Variants in SLC2A10 observed in about 807,000 individuals in gnomAD.
SLC2A10 encodes solute carrier family 2 member 10.
SLC2A10 carries 25 observed loss-of-function variants against 32.1 expected under a neutral mutation model. The observed-to-expected ratio is 0.78, with a 90% CI of 0.57 to 1.09. The LOEUF is 1.09. Among genes scored for constraint, SLC2A10 ranks in the 50% least tolerant of loss-of-function variants. SLC2A10 has a pLI of 0.00. For synonymous variants in SLC2A10, 332 were observed against 309.6 expected, an observed-to-expected ratio of 1.07 and a Z score of -0.76; for missense variants, 673 against 686.5, an observed-to-expected ratio of 0.98 and a Z score of 0.22.
chr20:46,723,140 ATTC>A (rs1385718258), intron 1 of SLC2A10, among the ~76,000 whole-genome samples: 1 of 152,192 alleles, frequency 6.6e-6, no homozygotes, highest in East Asian at 1.9e-4. Flanking sequence ...TCAGGGACCC[ATTC>A]TTCTTCTATA....
At chr20:46,728,515 C>T (rs115112617) in intron 3 of SLC2A10, among the ~76,000 whole-genome samples, 3,665 of 152,136 alleles carry the variant, frequency 0.024, 124 homozygotes, top group African/African-American at 0.074. Flanking sequence ...TGTCCTCTCT[C>T]CCAAACCAGT....
chr20:46,711,467 C>T (rs1978907633), intron 1 of SLC2A10, among the ~76,000 whole-genome samples: 1 of 152,098 alleles, frequency 6.6e-6, no homozygotes, highest in African/African-American at 2.4e-5. Context: ...CTCTTAACCC[C>T]CACAGCACAG....
chr20:46,726,851 T>C lies in SLC2A10; in HGVS notation c.1289-13T>C. ...CACCACAGCCCAGGAGCCCTCCTGC[T>C]CTCCCACCCTAGTGACCTGGCTTGT... is the stretch of plus-strand genomic sequence containing the variant. On this transcript the variant is annotated splice_polypyrimidine_tract_variant and intron_variant, in intron 2 of 4. Transcript: ENST00000359271. 6.2e-7 allele frequency: 1 copy of C among 1,613,898 alleles called. No homozygotes were observed. Among genetic ancestry groups the C allele is most frequent in the Non-Finnish European group, 8.5e-7 (1 of 1,179,968 alleles).
chr20:46,728,099 G>T (rs1980075255), intron 3 of SLC2A10, among the ~76,000 whole-genome samples: 2 of 152,152 alleles, frequency 1.3e-5, no homozygotes, highest in Admixed American at 6.5e-5. Flanking sequence ...AGGGAGGAAG[G>T]AAGGGAGGGA....
At chr20:46,713,580 A>G (rs1283206997) in intron 1 of SLC2A10, among the ~76,000 whole-genome samples, 1 of 152,142 alleles carries the variant, frequency 6.6e-6, no homozygotes, top group African/African-American at 2.4e-5. Flanking sequence ...CACGGTGAGG[A>G]CGTTGGCTTT....
At chr20:46,721,807 G>A (rs1360192058) in intron 1 of SLC2A10, among the ~76,000 whole-genome samples, 1 of 152,160 alleles carries the variant, frequency 6.6e-6, no homozygotes, top group Non-Finnish European at 1.5e-5. Flanking sequence ...TCTTGTCTAT[G>A]TATAGCAATT....
chr20:46,726,258 C>G lies in SLC2A10; in HGVS notation c.1222C>G (p.Leu408Val). The G allele has an allele frequency of 6.2e-7, 1 of 1,613,436 alleles. No homozygotes were observed. Among genetic ancestry groups the G allele is most frequent in the Non-Finnish European group, 8.5e-7 (1 of 1,180,036 alleles). The change falls in exon 2 of 5, where the codon CTG becomes GTG. Residue 408 changes from leucine (L) to valine (V), a missense_variant. Transcript: ENST00000359271. Reference protein sequence around the residue: ...PPLPARGHALLRWTALLCLMV... With the variant: ...PPLPARGHALVRWTALLCLMV... ...TCTGCCCGCTCGGGGGCATGCACTG[C>G]TGCGCTGGACCGCACTGCTGTGCCT...
chr20:46,717,023 A>G (rs2123014900), intron 1 of SLC2A10, among the ~76,000 whole-genome samples: 1 of 152,330 alleles, frequency 6.6e-6, no homozygotes, highest in East Asian at 1.9e-4. Flanking sequence ...ACTGTCTAAA[A>G]AAAAAGAAAA....
Position 46,725,732 on chromosome 20 carries a change from C to G in SLC2A10, c.696C>G (p.Thr232=), listed in dbSNP as rs138679634. The G allele has an allele frequency of 4.8e-5, 77 of 1,614,178 alleles. No homozygotes were observed. In the African/African-American group the frequency reaches 9.9e-4, roughly 21 times the overall value. Reference sequence around the variant, plus strand: ...CACGCGATAACATGCGAGGCCGGACCACAGTGGGCCTGGGGCTGGTGCTCT... The same window carrying G: ...CACGCGATAACATGCGAGGCCGGACGACAGTGGGCCTGGGGCTGGTGCTCT... ...FRARDNMRGR[T]TVGLGLVLFQ... Residue 232 remains threonine, a synonymous_variant, in exon 2 of 5, where the codon ACC becomes ACG. Transcript: ENST00000359271.
At chr20:46,714,095 T>C (rs1404812940) in intron 1 of SLC2A10, among the ~76,000 whole-genome samples, 3 of 152,048 alleles carry the variant, frequency 2.0e-5, no homozygotes, top group Non-Finnish European at 2.9e-5. Flanking sequence ...GCAATGAGTA[T>C]TTATGGGTCA....
Position 46,716,916 on chromosome 20 carries a change from G to A in SLC2A10, c.4+7176G>A, listed in dbSNP as rs548803429. Among the ~76,000 whole-genome samples, 6 of 152,106 alleles carry A rather than the reference G, an allele frequency of 3.9e-5. No homozygotes were observed. In the South Asian group the frequency reaches 6.2e-4, roughly 16 times the overall value. On this transcript the variant is annotated intron_variant, in intron 1 of 4. Coordinates refer to ENST00000359271, the MANE Select transcript of SLC2A10 (RefSeq NM_030777.4). ...TACATGCCTGTAGTCCCAGCTACTC[G>A]GGAGGCTGAGGCAGGAGAATTGCTA...
At chr20:46,715,780 T>G (rs1393048742) in intron 1 of SLC2A10, among the ~76,000 whole-genome samples, 1 of 152,218 alleles carries the variant, frequency 6.6e-6, no homozygotes, top group African/African-American at 2.4e-5. Context: ...GAGTAGGGAC[T>G]GTGGACCCAG....
At position 46,733,881 on chromosome 20, in the gene SLC2A10, A is replaced by G; in HGVS notation, c.*47A>G. ...TCTGGAACTGTGGCTTTGGCAGACC[A>G]TCTCCAGCATCCTGCTTCCTAGGCC... On this transcript the variant is annotated 3_prime_UTR_variant, in exon 5 of 5. Coordinates refer to ENST00000359271, the MANE Select transcript of SLC2A10 (RefSeq NM_030777.4). 1 of 1,564,416 alleles carries G rather than the reference A, an allele frequency of 6.4e-7. No homozygotes were observed. Among genetic ancestry groups the G allele is most frequent in the Non-Finnish European group, 8.8e-7 (1 of 1,136,432 alleles).
intron 1 of SLC2A10, among the ~76,000 whole-genome samples, chr20:46,716,966 T>G (rs1466089468): frequency 6.6e-6 from 1 of 152,070 alleles, no homozygotes; most frequent in Non-Finnish European, 1.5e-5. Flanking sequence ...GAGGTTGCAG[T>G]GAGCCGGAAT....
Position 46,725,686 on chromosome 20 carries a change from C to G in SLC2A10, c.650C>G (p.Ser217Cys). The change falls in exon 2 of 5, where the codon TCC becomes TGC. Residue 217 changes from serine (S) to cysteine (C), a missense_variant. Ser to Cys is a moderately radical substitution (Grantham distance 112). Transcript: ENST00000359271. ...CTGGGCCCGGGGAGGCCACGGTACT[C>G]CTTTCTGGACCTCTTCAGGGCACGC... The part of the protein sequence containing the change: ...PKLGPGRPRY[S>C]FLDLFRARDN... 1 of 1,614,082 alleles carries G rather than the reference C, an allele frequency of 6.2e-7. No homozygotes were observed. Among genetic ancestry groups the G allele is most frequent in the Non-Finnish European group, 8.5e-7 (1 of 1,180,006 alleles).
At chr20:46,731,957 G>A (rs1980324374) in intron 4 of SLC2A10, among the ~76,000 whole-genome samples, 1 of 152,190 alleles carries the variant, frequency 6.6e-6, no homozygotes, top group African/African-American at 2.4e-5. Flanking sequence ...CCCTAACTTA[G>A]CCAGGATAGG....
At position 46,733,859 on chromosome 20, in the gene SLC2A10, G is replaced by A; in HGVS notation, c.*25G>A. On this transcript the variant is annotated 3_prime_UTR_variant, in exon 5 of 5. Transcript: ENST00000359271. ...AGGAATCCGTCTGCCTGGAAATTCT[G>A]GAACTGTGGCTTTGGCAGACCATCT... The A allele has an allele frequency of 6.2e-7, 1 of 1,610,082 alleles. No homozygotes were observed. Among genetic ancestry groups the A allele is most frequent in the South Asian group, 1.1e-5 (1 of 90,932 alleles).
At chr20:46,733,653 T>A in intron 4 of SLC2A10, 103 bp from the exon 5 acceptor site, 1 of 867,514 alleles carries the variant, frequency 1.2e-6, no homozygotes, top group Non-Finnish European at 2.0e-6. Flanking sequence ...ATGGTAGGAG[T>A]GAAGGTGGGA....
intron 1 of SLC2A10, 99 bp downstream of exon 1, chr20:46,709,839 C>T (rs1978803926): frequency 1.4e-6 from 2 of 1,413,526 alleles, no homozygotes; most frequent in Middle Eastern, 2.1e-4. Flanking sequence ...CCCCTGGCTC[C>T]CCCAGGGCCG....
Sources: gnomAD v4.1 joint callset for allele counts (sites outside exome capture counted in the v4.1 genomes callset) on GRCh38, gnomAD v4.1.1 for gene constraint, MANE v1.5 for transcripts, NCBI Gene and HGNC (gene_info 2026-07-23, HGNC 2026-07-21) for gene names.